ADGRB3: variants seen among roughly 807,000 people sequenced by gnomAD.
The protein encoded by ADGRB3 is adhesion G protein-coupled receptor B3, also known as brain-specific angiogenesis inhibitor 3.
ADGRB3 carries 37 observed loss-of-function variants against 193.4 expected under a neutral mutation model. The observed-to-expected ratio is 0.19, with a 90% CI of 0.15 to 0.25. ADGRB3 has a LOEUF of 0.25. Ranked by LOEUF, ADGRB3 falls within the 10% of genes least tolerant of loss-of-function variation. ADGRB3 has a pLI of 1.00. For missense variants in ADGRB3, 1,637 were observed against 1,852.9 expected (o/e 0.88, Z 2.14); for synonymous variants, 690 against 644.2 (o/e 1.07, Z -1.08).
At chr6:68,943,439 A>G (rs1742204582) in intron 5 of ADGRB3, among the ~76,000 whole-genome samples, 1 of 152,116 alleles carries the variant, frequency 6.6e-6, no homozygotes, top group Admixed American at 6.5e-5. Flanking sequence ...TGGCTATCTA[A>G]ATAAAAACTG....
In ADGRB3 at chr6:68,793,695, A is replaced by AT. The variant is rs965283637; in HGVS notation, c.758-136857dup. Among the ~76,000 whole-genome samples, 58 of 152,128 alleles carry AT rather than the reference A, an allele frequency of 3.8e-4. 1 individual carries two copies. Among genetic ancestry groups the AT allele is most frequent in the African/African-American group, 1.3e-3 (54 of 41,512 alleles). The stretch of plus-strand genomic sequence containing the variant: ...AGGCGCGTGCCACCATGCTCGGCTA[A>AT]TTTTTTTATTTTTAATAGAGACAGG... On this transcript the variant is annotated intron_variant, in intron 3 of 31. Coordinates refer to ENST00000370598, the MANE Select transcript of ADGRB3 (RefSeq NM_001704.3).
intron 17 of ADGRB3, chr6:69,232,616 A>G (rs1042503620): frequency 1.5e-5 from 23 of 1,535,478 alleles, no homozygotes; most frequent in Admixed American, 2.0e-5. Flanking sequence ...TGAAGTGTGG[A>G]GTAGGAAGCT....
At position 69,324,854 on chromosome 6, in the gene ADGRB3, G is replaced by A; in HGVS notation, c.2815-18G>A. ...TCCCAGGTTCAGTGTGAGTCTTTTT[G>A]TTTGTTTGTTTCCACAGAGTATCTG... On this transcript the variant is annotated intron_variant, in intron 20 of 31. Coordinates refer to ENST00000370598, the MANE Select transcript of ADGRB3 (RefSeq NM_001704.3). 2 of 1,609,442 alleles carry A rather than the reference G, an allele frequency of 1.2e-6. No individual in the cohort carries two copies. The highest frequency in any genetic ancestry group is 1.7e-6 in the Non-Finnish European group (2 of 1,177,626).
At chr6:69,257,645 G>A (rs568412606) in intron 20 of ADGRB3, among the ~76,000 whole-genome samples, 52 of 152,238 alleles carry the variant, frequency 3.4e-4, no homozygotes, top group African/African-American at 1.2e-3. Flanking sequence ...AAAAAAATAC[G>A]TTACATGGAT....
intron 26 of ADGRB3, among the ~76,000 whole-genome samples, chr6:69,342,728 C>T (rs950773570): frequency 6.6e-6 from 1 of 152,008 alleles, no homozygotes; most frequent in African/African-American, 2.4e-5. Context: ...ATATGTAAAA[C>T]ATTAGGTAGT....
chr6:69,217,533 G>T (rs1331835592), intron 17 of ADGRB3, among the ~76,000 whole-genome samples: 1 of 152,092 alleles, frequency 6.6e-6, no homozygotes, highest in African/African-American at 2.4e-5. Flanking sequence ...GGTAAGTAAG[G>T]CTGCGTGATA....
intron 13 of ADGRB3, among the ~76,000 whole-genome samples, chr6:69,043,332 G>GAAAA (rs376899800): frequency 1.5e-5 from 2 of 133,756 alleles, no homozygotes; most frequent in Non-Finnish European, 3.3e-5. Context: ...AAGAAAGAAA[G>GAAAA]AGAAAGAAAA....
chr6:68,721,291 C>T (rs1387188238), intron 3 of ADGRB3, among the ~76,000 whole-genome samples: 1 of 150,956 alleles, frequency 6.6e-6, no homozygotes, highest in Non-Finnish European at 1.5e-5. Context: ...GAATACTATG[C>T]AGCCATAAAA....
chr6:69,280,555 T>C (rs531861593), intron 20 of ADGRB3, among the ~76,000 whole-genome samples: 20 of 152,298 alleles, frequency 1.3e-4, no homozygotes, highest in Admixed American at 1.0e-3. Flanking sequence ...AAATAGATAA[T>C]AATAAATCTA....
chr6:69,247,999 TG>T (rs751461033), intron 20 of ADGRB3, among the ~76,000 whole-genome samples: 2 of 152,180 alleles, frequency 1.3e-5, no homozygotes, highest in South Asian at 2.1e-4. Context: ...TGATGAGAGA[TG>T]GTTGAGTTAA....
intron 20 of ADGRB3, among the ~76,000 whole-genome samples, chr6:69,279,412 T>C (rs1489793112): frequency 6.6e-6 from 1 of 151,760 alleles, no homozygotes; most frequent in African/African-American, 2.4e-5. Flanking sequence ...TGTATTGTTT[T>C]CACACCATCG....
chr6:68,822,269 A>T lies in ADGRB3; in HGVS notation c.758-108290A>T, dbSNP rs537035532. ...ATGTAGGCAATCCCATAACTCCAAA[A>T]GTGAAGAATAATAAAATTATTGAGA... On this transcript the variant is annotated intron_variant, in intron 3 of 31. Coordinates refer to ENST00000370598, the MANE Select transcript of ADGRB3 (RefSeq NM_001704.3). 1.8e-4 allele frequency among the ~76,000 whole-genome samples: 28 copies of T among 152,130 alleles called. No individual in the cohort carries two copies. In the South Asian group the frequency reaches 5.4e-3, roughly 29 times the overall value.
intron 11 of ADGRB3, among the ~76,000 whole-genome samples, chr6:69,004,904 G>T (rs1024661390): frequency 6.6e-6 from 1 of 152,072 alleles, no homozygotes; most frequent in African/African-American, 2.4e-5. Context: ...TCTTTCTTCA[G>T]GACTGGACCT....
intron 17 of ADGRB3, among the ~76,000 whole-genome samples, chr6:69,133,515 T>C (rs1317695366): frequency 2.0e-5 from 3 of 152,044 alleles, no homozygotes; most frequent in Non-Finnish European, 2.9e-5. Flanking sequence ...CCAGATGGAT[T>C]CACAGCCAAA....
intron 17 of ADGRB3, among the ~76,000 whole-genome samples, chr6:69,231,084 T>C (rs1397959046): frequency 6.6e-6 from 1 of 152,182 alleles, no homozygotes; most frequent in Non-Finnish European, 1.5e-5. Context: ...CTTCCCAGTT[T>C]TGCCTGGGGC....
chr6:69,095,811 G>T (rs982660877), intron 17 of ADGRB3, among the ~76,000 whole-genome samples: 1 of 151,936 alleles, frequency 6.6e-6, no homozygotes, highest in Non-Finnish European at 1.5e-5. Flanking sequence ...ACATGCACGC[G>T]TGCACACACA....
At chr6:69,061,617 C>A (rs1047772469) in intron 15 of ADGRB3, among the ~76,000 whole-genome samples, 1 of 151,808 alleles carries the variant, frequency 6.6e-6, no homozygotes, top group Non-Finnish European at 1.5e-5. Context: ...GCTATTATTT[C>A]TAAAGGCTAA....
intron 3 of ADGRB3, among the ~76,000 whole-genome samples, chr6:68,861,891 A>ACTTTGCATATATGC (rs1765165647): frequency 6.6e-6 from 1 of 152,172 alleles, no homozygotes; most frequent in Non-Finnish European, 1.5e-5. Flanking sequence ...AAATGGGGGT[A>ACTTTGCATATATGC]ATATATGCAA....
At chr6:69,088,959 A>C (rs1161361930) in intron 17 of ADGRB3, among the ~76,000 whole-genome samples, 1 of 152,242 alleles carries the variant, frequency 6.6e-6, no homozygotes, top group African/African-American at 2.4e-5. Context: ...TAAATCAGCC[A>C]TAGTTAGTGA....
Sources: allele counts gnomAD v4.1 joint callset (sites outside exome capture counted in the v4.1 genomes callset), GRCh38; gene constraint gnomAD v4.1.1; transcripts MANE v1.5; gene names NCBI Gene and HGNC (gene_info 2026-07-23, HGNC 2026-07-21).